The following CNTNAP2 variants were observed in gnomAD, a reference collection of about 807,000 sequenced individuals.
The protein encoded by CNTNAP2 is contactin associated protein 2, also known as contactin-associated protein-like 2.
CNTNAP2 carries 98 observed loss-of-function variants against 155.2 expected under a neutral mutation model. That is an observed-to-expected ratio of 0.63 (90% CI 0.54 to 0.75). CNTNAP2 has a LOEUF of 0.75. Among genes scored for constraint, CNTNAP2 ranks in the 30% least tolerant of loss-of-function variants. The probability of loss-of-function intolerance (pLI) is 0.00; values close to 1 mark genes in which losing one functional copy is unlikely to be tolerated. For missense variants in CNTNAP2, 1,727 were observed against 1,688.1 expected (o/e 1.02, Z -0.40); for synonymous variants, 651 against 631.2 (o/e 1.03, Z -0.47).
intron 3 of CNTNAP2, among the ~76,000 whole-genome samples, chr7:146,976,185 C>A (rs760615843): frequency 8.5e-5 from 13 of 152,198 alleles, no homozygotes; most frequent in African/African-American, 3.1e-4. Context: ...AAACTGTTTT[C>A]CTGCTTCTCT....
chr7:146,904,960 G>A (rs113167685), intron 3 of CNTNAP2, among the ~76,000 whole-genome samples: 3,882 of 152,110 alleles, frequency 0.026, 142 homozygotes, highest in African/African-American at 0.085. Context: ...CCTTACCACC[G>A]CATACTGGAT....
intron 8 of CNTNAP2, among the ~76,000 whole-genome samples, chr7:147,181,454 G>C (rs1445567032): frequency 6.6e-6 from 1 of 152,134 alleles, no homozygotes; most frequent in Non-Finnish European, 1.5e-5. Flanking sequence ...TAAAAGTTTA[G>C]ATAATGTAAA....
intron 3 of CNTNAP2, among the ~76,000 whole-genome samples, chr7:146,980,711 C>T (rs1014273785): frequency 6.6e-6 from 1 of 152,142 alleles, no homozygotes; most frequent in Non-Finnish European, 1.5e-5. Context: ...CTAGCATGAA[C>T]TGACCTATCA....
At chr7:147,712,048 A>G (rs1438387588) in intron 13 of CNTNAP2, among the ~76,000 whole-genome samples, 1 of 152,094 alleles carries the variant, frequency 6.6e-6, no homozygotes, top group Non-Finnish European at 1.5e-5. Flanking sequence ...CTCAATACAA[A>G]TGCTATCCTT....
At chr7:147,363,814 T>C (rs1402419252) in intron 9 of CNTNAP2, among the ~76,000 whole-genome samples, 1 of 152,232 alleles carries the variant, frequency 6.6e-6, no homozygotes, top group Non-Finnish European at 1.5e-5. Context: ...TCCAATGCCA[T>C]GTTTTCAAAA....
At chr7:147,087,148 C>T (rs116350034) in intron 4 of CNTNAP2, among the ~76,000 whole-genome samples, 1 of 152,260 alleles carries the variant, frequency 6.6e-6, no homozygotes, top group African/African-American at 2.4e-5. Flanking sequence ...TTCTCTGGGG[C>T]CTCAAGTTCC....
intron 3 of CNTNAP2, among the ~76,000 whole-genome samples, chr7:147,029,111 C>G (rs1471471414): frequency 1.3e-5 from 2 of 151,770 alleles, no homozygotes; most frequent in Admixed American, 1.3e-4. Context: ...CCACAGGCAC[C>G]CGCCACCACG....
intron 4 of CNTNAP2, among the ~76,000 whole-genome samples, chr7:147,091,931 G>T (rs1396170773): frequency 6.6e-6 from 1 of 151,858 alleles, no homozygotes; most frequent in Non-Finnish European, 1.5e-5. Flanking sequence ...AATAGAGACG[G>T]GGTTTCACCA....
intron 16 of CNTNAP2, among the ~76,000 whole-genome samples, chr7:148,129,909 G>A (rs546616480): frequency 6.6e-6 from 1 of 152,162 alleles, no homozygotes; most frequent in Non-Finnish European, 1.5e-5. Flanking sequence ...TAAGGATGAT[G>A]GGGGGAGGGA....
intron 15 of CNTNAP2, among the ~76,000 whole-genome samples, chr7:148,041,180 C>T (rs2116478473): frequency 6.6e-6 from 1 of 152,296 alleles, no homozygotes; most frequent in East Asian, 1.9e-4. Flanking sequence ...TTAGCCATTG[C>T]TATGCTTTCA....
chr7:146,182,757 C>T (rs1331622283), intron 1 of CNTNAP2, among the ~76,000 whole-genome samples: 1 of 152,132 alleles, frequency 6.6e-6, no homozygotes, highest in Non-Finnish European at 1.5e-5. Flanking sequence ...CGTAGGCACT[C>T]ACGTCTGATC....
chr7:148,339,488 G>C (rs1286720713), intron 21 of CNTNAP2: 1 of 152,166 alleles, frequency 6.6e-6, no homozygotes, highest in Non-Finnish European at 1.5e-5. Flanking sequence ...TCCCGAGAGC[G>C]GTGGACTCAA....
At chr7:146,271,726 G>A (rs1417955451) in intron 1 of CNTNAP2, among the ~76,000 whole-genome samples, 1 of 151,782 alleles carries the variant, frequency 6.6e-6, no homozygotes, top group Non-Finnish European at 1.5e-5. Context: ...ACTTTAGAGA[G>A]CCACAATTTT....
intron 1 of CNTNAP2, among the ~76,000 whole-genome samples, chr7:146,422,381 T>C: frequency 6.9e-6 from 1 of 144,654 alleles, no homozygotes; most frequent in Admixed American, 6.7e-5. Context: ...ATGTTAGCCA[T>C]TTAAGTCATA....
At chr7:147,325,112 G>C (rs1795427938) in intron 9 of CNTNAP2, among the ~76,000 whole-genome samples, 2 of 152,080 alleles carry the variant, frequency 1.3e-5, no homozygotes, top group Non-Finnish European at 2.9e-5. Flanking sequence ...AGACCAGCCT[G>C]GCCAATATGG....
intron 3 of CNTNAP2, among the ~76,000 whole-genome samples, chr7:146,938,836 T>C (rs1796983636): frequency 1.3e-5 from 2 of 152,128 alleles, no homozygotes; most frequent in Admixed American, 6.6e-5. Context: ...CAAATATTTA[T>C]TGAGCTTACG....
chr7:146,225,970 T>A (rs1384220716), intron 1 of CNTNAP2, among the ~76,000 whole-genome samples: 1 of 152,226 alleles, frequency 6.6e-6, no homozygotes, highest in Non-Finnish European at 1.5e-5. Flanking sequence ...TGTTCTGAAA[T>A]CTATCCCATC....
chr7:146,822,499 A>C (rs78096658), intron 2 of CNTNAP2, among the ~76,000 whole-genome samples: 23 of 150,870 alleles, frequency 1.5e-4, no homozygotes, highest in East Asian at 7.8e-4. Flanking sequence ...AAAAAAAAAA[A>C]CTCAGACATT....
chr7:147,480,381 C>T (rs564249269), intron 10 of CNTNAP2, among the ~76,000 whole-genome samples: 1 of 152,226 alleles, frequency 6.6e-6, no homozygotes, highest in East Asian at 1.9e-4. Flanking sequence ...TGGCATTAGT[C>T]TAAAAGCAAA....
Sources: gnomAD v4.1 joint callset for allele counts (sites outside exome capture counted in the v4.1 genomes callset) on GRCh38, gnomAD v4.1.1 for gene constraint, MANE v1.5 for transcripts, NCBI Gene and HGNC (gene_info 2026-07-23, HGNC 2026-07-21) for gene names.